PRKCB: variants seen among roughly 807,000 people sequenced by gnomAD.
The protein encoded by PRKCB is protein kinase C beta type.
A neutral mutation model predicts 81.5 loss-of-function variants in PRKCB; 13 were observed. That is an observed-to-expected ratio of 0.16 (90% CI 0.10 to 0.25). The LOEUF is 0.25. PRKCB is among the 10% of genes least tolerant of loss of function. The pLI is 1.00. For missense variants in PRKCB, 509 were observed against 875.7 expected, an observed-to-expected ratio of 0.58 and a Z score of 5.29; for synonymous variants, 335 against 321.4, an observed-to-expected ratio of 1.04 and a Z score of -0.45.
chr16:23,955,167 A>G (rs1011530465), intron 2 of PRKCB, among the ~76,000 whole-genome samples: 3 of 152,010 alleles, frequency 2.0e-5, no homozygotes, highest in African/African-American at 7.3e-5. Flanking sequence ...GGTTGTAGTG[A>G]GCCAAGATGG....
At chr16:24,076,090 G>A (rs1189236683) in intron 5 of PRKCB, among the ~76,000 whole-genome samples, 1 of 152,190 alleles carries the variant, frequency 6.6e-6, no homozygotes, top group Non-Finnish European at 1.5e-5. Flanking sequence ...AGGAGATCAT[G>A]CATTTCTAAT....
At chr16:24,061,921 A>T (rs938544961) in intron 5 of PRKCB, among the ~76,000 whole-genome samples, 3 of 149,388 alleles carry the variant, frequency 2.0e-5, no homozygotes, top group African/African-American at 7.4e-5. Flanking sequence ...AAAAAAAAAA[A>T]AAAAAAAAAA....
At chr16:24,167,477 T>C (rs1967365274) in intron 10 of PRKCB, among the ~76,000 whole-genome samples, 2 of 152,108 alleles carry the variant, frequency 1.3e-5, no homozygotes, top group African/African-American at 4.8e-5. Context: ...GGAGGATTAC[T>C]TGAGCCTGGG....
intron 12 of PRKCB, 199 bp downstream of exon 12, chr16:24,174,779 A>C: frequency 2.0e-6 from 1 of 489,236 alleles, no homozygotes; most frequent in African/African-American, 1.9e-5. Flanking sequence ...GTGGTAGAAA[A>C]TCTCGGTGGA....
chr16:24,123,994 T>A lies in PRKCB; in HGVS notation c.1065+13T>A. 1.2e-6 allele frequency: 2 copies of A among 1,613,892 alleles called. No homozygotes were observed. Among genetic ancestry groups the A allele is most frequent in the Non-Finnish European group, 1.7e-6 (2 of 1,179,866 alleles). On this transcript the variant is annotated intron_variant, in intron 9 of 16. Coordinates refer to ENST00000643927, the MANE Select transcript of PRKCB (RefSeq NM_002738.7). ...CAGCTTTGGCAAGGTATGGTATGAT[T>A]TGGTGGCTCCACCTGCTTTGGAAGG...
intron 10 of PRKCB, among the ~76,000 whole-genome samples, chr16:24,171,277 T>C (rs1191897245): frequency 3.9e-5 from 6 of 152,060 alleles, no homozygotes; most frequent in Non-Finnish European, 5.9e-5. Flanking sequence ...AGGACTGGAG[T>C]TGGTGCTGGC....
At chr16:24,031,321 T>A (rs1388262918) in intron 3 of PRKCB, among the ~76,000 whole-genome samples, 4 of 152,200 alleles carry the variant, frequency 2.6e-5, no homozygotes, top group Non-Finnish European at 5.9e-5. Context: ...GCTGGTAGGG[T>A]GGCTTTGTCC....
chr16:24,102,694 A>C (rs1966524158), intron 7 of PRKCB, among the ~76,000 whole-genome samples: 1 of 151,560 alleles, frequency 6.6e-6, no homozygotes, highest in Non-Finnish European at 1.5e-5. Flanking sequence ...TTTCCCCTTC[A>C]TTTTCCAGAG....
chr16:23,964,731 C>T (rs1238764058), intron 2 of PRKCB, among the ~76,000 whole-genome samples: 2 of 150,034 alleles, frequency 1.3e-5, no homozygotes, highest in Non-Finnish European at 3.0e-5. Context: ...TGCAGTGTCG[C>T]GATCTCAGCT....
At chr16:24,168,103 AT>A (rs771432419) in intron 10 of PRKCB, among the ~76,000 whole-genome samples, 1 of 152,200 alleles carries the variant, frequency 6.6e-6, no homozygotes, top group Non-Finnish European at 1.5e-5. Context: ...TGTATGGAAG[AT>A]TTTTTTAAAT....
chr16:24,133,982 A>G (rs1236626269), intron 9 of PRKCB, among the ~76,000 whole-genome samples: 2 of 151,324 alleles, frequency 1.3e-5, no homozygotes, highest in East Asian at 2.0e-4. Flanking sequence ...TGCAGCTTCA[A>G]CCTCCCAGGC....
rs768249184 is a variant in PRKCB at position 24,123,820 on chromosome 16, GCT to G, written c.919-14_919-13del. On this transcript the variant is annotated splice_polypyrimidine_tract_variant and intron_variant, in intron 8 of 16. Transcript: ENST00000643927. Reference sequence around the variant, plus strand: ...CAAACCCTGAGCATGTTTTCTGTGTGCTTCCTTTTTGCAGAGGGCCAAGATCA... The same window carrying G: ...CAAACCCTGAGCATGTTTTCTGTGTGTCCTTTTTGCAGAGGGCCAAGATCA... 5 of 1,613,396 alleles carry G rather than the reference GCT, an allele frequency of 3.1e-6. No homozygotes were observed. Among genetic ancestry groups the G allele is most frequent in the Non-Finnish European group, 4.2e-6 (5 of 1,179,674 alleles).
intron 2 of PRKCB, among the ~76,000 whole-genome samples, chr16:23,972,759 C>A (rs1327219036): frequency 6.6e-6 from 1 of 152,060 alleles, no homozygotes; most frequent in African/African-American, 2.4e-5. Flanking sequence ...GGTCTACAGT[C>A]GTGAGCTTTA....
Position 23,911,128 on chromosome 16 carries a change from CTT to C in PRKCB, c.205+73746_205+73747del, listed in dbSNP as rs567904157. On this transcript the variant is annotated intron_variant, in intron 2 of 16. Coordinates refer to ENST00000643927, the MANE Select transcript of PRKCB (RefSeq NM_002738.7). ...ATAAATAGCCATAAACGTATATATGCTTTTTTTTTTTTTTTTTTTTTTTTTGA... is the reference window on the plus strand; with the variant it reads ...ATAAATAGCCATAAACGTATATATGCTTTTTTTTTTTTTTTTTTTTTTTGA... Among the ~76,000 whole-genome samples the C allele has an allele frequency of 1.3e-3, 41 of 31,546 alleles. No individual in the cohort carries two copies. In the Admixed American group the frequency reaches 0.018, roughly 14 times the overall value. 20.7% of individuals were successfully genotyped at this position (31,546 alleles called of 152,430 possible). A position where few individuals can be genotyped will look rare whatever the true frequency, so the allele number is the denominator to read the frequency against.
At chr16:24,192,620 C>T (rs991965858) in intron 16 of PRKCB, among the ~76,000 whole-genome samples, 3 of 152,218 alleles carry the variant, frequency 2.0e-5, no homozygotes, top group African/African-American at 7.2e-5. Context: ...CCCATCCCCA[C>T]CAGCATAGAA....
chr16:24,073,752 C>T (rs867245381), intron 5 of PRKCB, among the ~76,000 whole-genome samples: 4 of 152,178 alleles, frequency 2.6e-5, no homozygotes, highest in Non-Finnish European at 5.9e-5. Flanking sequence ...AGTATTCCTT[C>T]TGAGATGGAA....
At chr16:23,938,911 G>T (rs1964101088) in intron 2 of PRKCB, among the ~76,000 whole-genome samples, 2 of 152,042 alleles carry the variant, frequency 1.3e-5, no homozygotes, top group Admixed American at 1.3e-4. Context: ...TACAAAGAAA[G>T]AAATAAAACT....
At chr16:24,099,900 G>A (rs1311616788) in intron 7 of PRKCB, 2 of 151,848 alleles carry the variant, frequency 1.3e-5, no homozygotes, top group African/African-American at 2.4e-5. Context: ...CTTGACGCAG[G>A]AGGCGGAGGT....
chr16:23,928,302 A>G (rs946060651), intron 2 of PRKCB, among the ~76,000 whole-genome samples: 1 of 151,620 alleles, frequency 6.6e-6, no homozygotes, highest in African/African-American at 2.4e-5. Context: ...ATTTTTTTGT[A>G]TTTTTAGTAG....
Sources: gnomAD v4.1 joint callset for allele counts (sites outside exome capture counted in the v4.1 genomes callset) on GRCh38, gnomAD v4.1.1 for gene constraint, MANE v1.5 for transcripts, NCBI Gene and HGNC (gene_info 2026-07-23, HGNC 2026-07-21) for gene names.